Variants in NPAS3 observed in about 807,000 individuals in gnomAD.
The protein encoded by NPAS3 is neuronal PAS domain-containing protein 3.
In NPAS3, 14 loss-of-function variants were observed where a neutral mutation model predicts 73.1. The observed-to-expected ratio is 0.19, with a 90% CI of 0.13 to 0.30. NPAS3 has a LOEUF of 0.30. NPAS3 is among the 10% of genes least tolerant of loss of function. NPAS3 has a pLI of 1.00. For missense variants in NPAS3, 1,096 were observed against 1,250.0 expected, an observed-to-expected ratio of 0.88 and a Z score of 1.86; for synonymous variants, 620 against 541.5, an observed-to-expected ratio of 1.14 and a Z score of -2.01.
At chr14:33,266,890 T>G (rs1457455336) in intron 3 of NPAS3, among the ~76,000 whole-genome samples, 1 of 152,180 alleles carries the variant, frequency 6.6e-6, no homozygotes, top group African/African-American at 2.4e-5. Flanking sequence ...ATATCAAAGG[T>G]CTGAATGCAG....
At chr14:33,571,407 A>G (rs926873286) in intron 5 of NPAS3, among the ~76,000 whole-genome samples, 1 of 152,126 alleles carries the variant, frequency 6.6e-6, no homozygotes, top group Non-Finnish European at 1.5e-5. Context: ...AGGCTATTTT[A>G]TTTTTACCCT....
chr14:33,681,850 TAATGACA>T (rs1376149199), intron 6 of NPAS3, among the ~76,000 whole-genome samples: 1 of 150,610 alleles, frequency 6.6e-6, no homozygotes, highest in African/African-American at 2.5e-5. Flanking sequence ...GATTTATACT[TAATGACA>T]GAGTTAGAGC....
intron 2 of NPAS3, among the ~76,000 whole-genome samples, chr14:33,058,335 T>C (rs2040965175): frequency 6.6e-6 from 1 of 152,164 alleles, no homozygotes; most frequent in Admixed American, 6.5e-5. Flanking sequence ...GGTAACTGTT[T>C]TGGAAGATCC....
At chr14:33,744,192 C>T (rs184162733) in intron 7 of NPAS3, among the ~76,000 whole-genome samples, 2 of 152,196 alleles carry the variant, frequency 1.3e-5, no homozygotes, top group Non-Finnish European at 2.9e-5. Context: ...TAAGCTTCAT[C>T]ATTTCTAGCT....
intron 4 of NPAS3, among the ~76,000 whole-genome samples, chr14:33,382,460 T>G (rs1441550334): frequency 6.6e-6 from 1 of 152,194 alleles, no homozygotes; most frequent in Non-Finnish European, 1.5e-5. Flanking sequence ...ACACATTATT[T>G]TGGCATTTAT....
chr14:33,499,567 G>A (rs1463907322), intron 4 of NPAS3, among the ~76,000 whole-genome samples: 1 of 151,850 alleles, frequency 6.6e-6, no homozygotes, highest in African/African-American at 2.4e-5. Flanking sequence ...ACACCTCAAG[G>A]TCTGGGAAAT....
chr14:33,802,384 AAAAAAAAG>A (rs1250990466), downstream of NPAS3: 23 of 150,218 alleles, frequency 1.5e-4, no homozygotes, highest in East Asian at 5.9e-4. Context: ...AGTAAAAAAA[AAAAAAAAG>A]AAAAAAAAAA....
chr14:33,598,725 G>C (rs888186220), intron 5 of NPAS3, among the ~76,000 whole-genome samples: 19 of 152,172 alleles, frequency 1.2e-4, no homozygotes, highest in African/African-American at 4.1e-4. Flanking sequence ...TATCTTAAAT[G>C]GGTGATGACT....
rs184173005 is a variant in NPAS3 at position 33,672,137 on chromosome 14, G to A, written c.559-4074G>A. Among the ~76,000 whole-genome samples the A allele has an allele frequency of 3.2e-4, 49 of 152,214 alleles. No homozygotes were observed. In the East Asian group the frequency reaches 3.9e-3, roughly 12 times the overall value. ...GTTAAACAGAGTTTTGCCGTAGATT[G>A]GAAACAAGTGGGTTATGAAAGACAG... On this transcript the variant is annotated intron_variant, in intron 5 of 11. Coordinates refer to ENST00000356141, the Ensembl canonical transcript of NPAS3.
At chr14:33,246,126 G>A (rs116881811) in intron 3 of NPAS3, among the ~76,000 whole-genome samples, 1,993 of 152,124 alleles carry the variant, frequency 0.013, 23 homozygotes, top group Non-Finnish European at 0.021. Flanking sequence ...GATATGCCTC[G>A]AGCCTCAATT....
intron 4 of NPAS3, among the ~76,000 whole-genome samples, chr14:33,406,123 T>TA (rs2047656344): frequency 6.6e-6 from 1 of 152,144 alleles, no homozygotes; most frequent in African/African-American, 2.4e-5. Context: ...AGTGTCTTGA[T>TA]AAAAATATAC....
intron 6 of NPAS3, among the ~76,000 whole-genome samples, chr14:33,722,808 C>A (rs947368488): frequency 3.9e-5 from 6 of 152,022 alleles, no homozygotes; most frequent in Admixed American, 6.6e-5. Flanking sequence ...CAATAAATAA[C>A]CCTCAATTCT....
chr14:33,617,478 T>C (rs1452750556), intron 5 of NPAS3, among the ~76,000 whole-genome samples: 1 of 152,170 alleles, frequency 6.6e-6, no homozygotes, highest in Admixed American at 6.5e-5. Context: ...TAAGAGTATT[T>C]GCCAGGATTA....
intron 4 of NPAS3, among the ~76,000 whole-genome samples, chr14:33,433,508 G>T (rs1274914028): frequency 6.6e-6 from 1 of 152,176 alleles, no homozygotes; most frequent in Non-Finnish European, 1.5e-5. Flanking sequence ...ATGTCAAGTG[G>T]CTAGCACGTG....
intron 6 of NPAS3, among the ~76,000 whole-genome samples, chr14:33,699,232 T>C (rs1254429359): frequency 1.3e-5 from 2 of 152,216 alleles, no homozygotes. Flanking sequence ...AAAGCTGGAA[T>C]AATAAATCAT....
At chr14:33,001,704 A>G (rs1324822337) in intron 1 of NPAS3, among the ~76,000 whole-genome samples, 1 of 152,150 alleles carries the variant, frequency 6.6e-6, no homozygotes. Flanking sequence ...CACTCTTGAT[A>G]GTGACCTTAT....
At chr14:33,677,701 T>C (rs986358627) in intron 6 of NPAS3, among the ~76,000 whole-genome samples, 1 of 152,152 alleles carries the variant, frequency 6.6e-6, no homozygotes, top group African/African-American at 2.4e-5. Flanking sequence ...AACTGTAGTT[T>C]CTAGGGCATT....
chr14:33,566,200 A>G (rs1483633727), intron 5 of NPAS3, among the ~76,000 whole-genome samples: 1 of 150,784 alleles, frequency 6.6e-6, no homozygotes, highest in African/African-American at 2.4e-5. Flanking sequence ...AAAAGCAAAT[A>G]GCGACCTGGT....
At chr14:33,554,692 A>C (rs532818144) in intron 4 of NPAS3, among the ~76,000 whole-genome samples, 19 of 152,322 alleles carry the variant, frequency 1.2e-4, no homozygotes, top group African/African-American at 4.3e-4. Context: ...CTAATTTCAG[A>C]GTGCTTACAT....
Sources: gnomAD v4.1 joint callset for allele counts (sites outside exome capture counted in the v4.1 genomes callset) on GRCh38, gnomAD v4.1.1 for gene constraint, MANE v1.5 for transcripts, NCBI Gene and HGNC (gene_info 2026-07-23, HGNC 2026-07-21) for gene names.